Variants in KLHL24 observed in about 807,000 individuals in gnomAD.
KLHL24 encodes the protein kelch-like protein 24.
A neutral mutation model predicts 53.4 loss-of-function variants in KLHL24; 29 were observed. That is an observed-to-expected ratio of 0.54 (90% CI 0.40 to 0.74). KLHL24 has a LOEUF of 0.74. KLHL24 is among the 30% of genes least tolerant of loss of function. KLHL24 has a pLI of 0.00. For synonymous variants in KLHL24, 222 were observed against 253.7 expected, an observed-to-expected ratio of 0.88 and a Z score of 1.19; for missense variants, 504 against 744.0, an observed-to-expected ratio of 0.68 and a Z score of 3.75.
intron 2 of KLHL24, among the ~76,000 whole-genome samples, chr3:183,644,517 A>G (rs1334769511): frequency 6.6e-6 from 1 of 152,164 alleles, no homozygotes; most frequent in Non-Finnish European, 1.5e-5. Flanking sequence ...AGAGCAGTAA[A>G]CAAATATCTC....
At chr3:183,660,850 G>A (rs1719647087) in intron 3 of KLHL24, among the ~76,000 whole-genome samples, 1 of 151,670 alleles carries the variant, frequency 6.6e-6, no homozygotes, top group Non-Finnish European at 1.5e-5. Context: ...GAGGTCAGGA[G>A]ATCGAAACCA....
intron 1 of KLHL24, among the ~76,000 whole-genome samples, chr3:183,640,227 C>T (rs1000953462): frequency 6.6e-6 from 1 of 152,154 alleles, no homozygotes; most frequent in Non-Finnish European, 1.5e-5. Context: ...TGGTATACCA[C>T]GTGTGATGTC....
chr3:183,671,641 A>G (rs1387006171), intron 6 of KLHL24, among the ~76,000 whole-genome samples: 1 of 152,186 alleles, frequency 6.6e-6, no homozygotes, highest in African/African-American at 2.4e-5. Flanking sequence ...GAAAAAAGGA[A>G]AGGAAACCTC....
At chr3:183,668,223 C>G (rs1720850247) in intron 5 of KLHL24, among the ~76,000 whole-genome samples, 1 of 151,746 alleles carries the variant, frequency 6.6e-6, no homozygotes, top group Non-Finnish European at 1.5e-5. Flanking sequence ...CAAAATATTA[C>G]TGGAAAAGAG....
At chr3:183,677,875 T>A (rs182451436) in intron 7 of KLHL24, among the ~76,000 whole-genome samples, 433 of 152,244 alleles carry the variant, frequency 2.8e-3, no homozygotes, top group African/African-American at 0.01. Flanking sequence ...CCCTGCAACC[T>A]CCGCCTCCCG....
At position 183,663,418 on chromosome 3, in the gene KLHL24, TTATTA is replaced by T. The variant is rs1560172989; in HGVS notation, c.921-33_921-29del. ...ATCTGGAGTATATTTTAATGTAATATTATTATATTATTTATGTACGCTAATAATTA... is the reference window on the plus strand; with the variant it reads ...ATCTGGAGTATATTTTAATGTAATATTATTATTTATGTACGCTAATAATTA... On this transcript the variant is annotated intron_variant, in intron 3 of 7. Coordinates refer to ENST00000242810, the MANE Select transcript of KLHL24 (RefSeq NM_017644.3). The surrounding 1 kb of genome is among the most constrained non-coding windows in gnomAD (Gnocchi z 4.9). 1.1e-5 allele frequency: 11 copies of T among 1,041,020 alleles called. No individual in the cohort carries two copies. Among genetic ancestry groups the T allele is most frequent in the African/African-American group, 1.7e-5 (1 of 59,980 alleles). The allele number at this position is 1,041,020 out of a possible 1,614,324, so 64.5% of individuals were successfully genotyped here. A position where few individuals can be genotyped will look rare whatever the true frequency, so the allele number is the denominator to read the frequency against.
intron 1 of KLHL24, among the ~76,000 whole-genome samples, chr3:183,640,523 G>A (rs1358220164): frequency 1.3e-5 from 2 of 151,854 alleles, no homozygotes; most frequent in Non-Finnish European, 2.9e-5. Context: ...ATCCATAGTT[G>A]CTATCATTCT....
At chr3:183,651,964 A>G (rs1273348223) in intron 3 of KLHL24, among the ~76,000 whole-genome samples, 3 of 152,130 alleles carry the variant, frequency 2.0e-5, no homozygotes, top group Non-Finnish European at 4.4e-5. Context: ...AAGAAAAAAA[A>G]ATGTTTGCAC....
intron 5 of KLHL24, among the ~76,000 whole-genome samples, chr3:183,667,309 G>A (rs1720706568): frequency 6.6e-6 from 1 of 152,146 alleles, no homozygotes; most frequent in Non-Finnish European, 1.5e-5. Context: ...CCAGCTACTC[G>A]GGAGGCTGAG....
rs1560158343 is a variant in KLHL24, at chr3:183,650,634, CTA to C, written c.280_281del (p.Met94ValfsTer3). The C allele has an allele frequency of 1.2e-6, 2 of 1,613,976 alleles. No homozygotes were observed. Among genetic ancestry groups the C allele is most frequent in the Non-Finnish European group, 1.7e-6 (2 of 1,180,040 alleles). ...TCAGCCTGTAGCAGCTACTTCAGAG[CTA>C]TGTTTTGTAATGACCACAGGGAAAG... is the stretch of plus-strand genomic sequence containing the variant. On this transcript the variant is annotated frameshift_variant, in exon 3 of 8. Coordinates refer to ENST00000242810, the MANE Select transcript of KLHL24 (RefSeq NM_017644.3). LOFTEE classifies it high-confidence loss of function. This position sits in a 1 kb window ranked among gnomAD's most constrained non-coding sequence, Gnocchi z 4.5.
In KLHL24 at chr3:183,679,205, G is replaced by T. The variant is rs148007618; in HGVS notation, c.1722G>T (p.Gly574=). The change falls in exon 8 of 8, where the codon GGG becomes GGT. Residue 574 remains glycine (G), a synonymous_variant. Coordinates refer to ENST00000242810, the MANE Select transcript of KLHL24 (RefSeq NM_017644.3). The part of the protein sequence containing the change: ...CYDPATSIIT[G]VAAMPRPVSY... The stretch of plus-strand genomic sequence containing the variant: ...ATCCTGCAACAAGTATCATCACAGG[G>T]GTAGCTGCAATGCCCAGGCCAGTGT... The T allele has an allele frequency of 1.7e-5, 27 of 1,613,660 alleles. No homozygotes were observed. Among genetic ancestry groups the T allele is most frequent in the African/African-American group, 2.7e-5 (2 of 74,896 alleles).
At position 183,668,225 on chromosome 3, in the gene KLHL24, G is replaced by A. The variant is rs555041874; in HGVS notation, c.1225-2809G>A. On this transcript the variant is annotated intron_variant, in intron 5 of 7. Transcript: ENST00000242810. ...GCCTCAAGAAGGACAAAATATTACTGGAAAAGAGGGGCTAAAATAATCCAG... is the reference window on the plus strand; with the variant it reads ...GCCTCAAGAAGGACAAAATATTACTAGAAAAGAGGGGCTAAAATAATCCAG... Among the ~76,000 whole-genome samples, 7 of 151,912 alleles carry A rather than the reference G, an allele frequency of 4.6e-5. No individual in the cohort carries two copies. In the South Asian group the frequency reaches 1.2e-3, roughly 27 times the overall value.
At chr3:183,639,648 AAAAAAT>A (rs1196284866) in intron 1 of KLHL24, among the ~76,000 whole-genome samples, 56 of 147,828 alleles carry the variant, frequency 3.8e-4, no homozygotes, top group African/African-American at 6.8e-4. Flanking sequence ...AAAAAAAAAA[AAAAAAT>A]CTCAAATTTG....
rs769388590 is a variant in KLHL24 at position 183,663,649 on chromosome 3, A to G, written c.1105+7A>G. On this transcript the variant is annotated splice_region_variant and intron_variant, in intron 4 of 7. Transcript: ENST00000242810. This position sits in a 1 kb window ranked among gnomAD's most constrained non-coding sequence, Gnocchi z 4.9. The stretch of plus-strand genomic sequence containing the variant: ...AATGACATTCTTGTTTCAGGTAAAT[A>G]TAGAATTATTACAGTAGCTACTTTT... 11 of 1,499,662 alleles carry G rather than the reference A, an allele frequency of 7.3e-6. No individual in the cohort carries two copies. The highest frequency in any genetic ancestry group is 9.9e-6 in the Non-Finnish European group (11 of 1,108,174). 92.9% of individuals were successfully genotyped at this position (1,499,662 alleles called of 1,614,324 possible).
chr3:183,672,422 A>G lies in KLHL24; in HGVS notation c.1540A>G (p.Ile514Val). ...TGTTGCCGGTGGACTGACCAAGGCA[A>G]TATACTGTTACGATCCAGTTGAAGA... ...IYVAGGLTKAIYCYDPVEDYW... is the reference protein window; with the variant it reads ...IYVAGGLTKAVYCYDPVEDYW... Residue 514 changes from isoleucine to valine, a missense_variant, in exon 7 of 8, where the codon ATA becomes GTA. By Grantham distance (29) the Ile-to-Val change is conservative. Transcript: ENST00000242810. The G allele has an allele frequency of 1.2e-6, 2 of 1,613,756 alleles. No homozygotes were observed. Among genetic ancestry groups the G allele is most frequent in the Non-Finnish European group, 1.7e-6 (2 of 1,179,864 alleles).
intron 7 of KLHL24, chr3:183,673,039 C>T (rs1576977332): frequency 6.6e-6 from 1 of 150,662 alleles, no homozygotes; most frequent in Non-Finnish European, 1.5e-5. Flanking sequence ...TAAAATAAAA[C>T]AAAATAAAAT....
Position 183,670,647 on chromosome 3 carries a change from TA to T in KLHL24, c.1225-384del, listed in dbSNP as rs1576968929. Among the ~76,000 whole-genome samples the T allele has an allele frequency of 2.6e-5, 4 of 152,208 alleles. No individual in the cohort carries two copies. The East Asian group carries it at 7.7e-4, about 29-fold the overall frequency. On this transcript the variant is annotated intron_variant, in intron 5 of 7. Transcript: ENST00000242810. The stretch of plus-strand genomic sequence containing the variant: ...TACCCATAAGTGTGAATATTTAAGC[TA>T]AATTGTACCATTCTCAGTGTGAGCA...
chr3:183,647,725 T>A (rs993575490), intron 2 of KLHL24, among the ~76,000 whole-genome samples: 1 of 149,960 alleles, frequency 6.7e-6, no homozygotes. Flanking sequence ...CATAACAGGC[T>A]GAGCGCAGTG....
intron 7 of KLHL24, 110 bp downstream of exon 7, chr3:183,672,594 G>A: frequency 1.3e-6 from 1 of 795,896 alleles, no homozygotes; most frequent in Non-Finnish European, 1.8e-6. Flanking sequence ...GCTGGGCGTG[G>A]TGGCTCACGC....
Sources: gnomAD v4.1 joint callset for allele counts (sites outside exome capture counted in the v4.1 genomes callset) on GRCh38, gnomAD v4.1.1 for gene constraint, Gnocchi (gnomAD v3.1) non-coding constraint, MANE v1.5 for transcripts, NCBI Gene and HGNC (gene_info 2026-07-23, HGNC 2026-07-21) for gene names.